The following ADGRV1 variants were observed in gnomAD, a reference collection of about 807,000 sequenced individuals.
ADGRV1 encodes the protein G-protein coupled receptor 98.
ADGRV1 carries 359 observed loss-of-function variants against 596.2 expected under a neutral mutation model. That is an observed-to-expected ratio of 0.60 (90% CI 0.55 to 0.66). ADGRV1 has a LOEUF of 0.66. Ranked by LOEUF, ADGRV1 falls within the 30% of genes least tolerant of loss-of-function variation. ADGRV1 has a pLI of 0.00. For synonymous variants in ADGRV1, 2,681 were observed against 2,679.2 expected (o/e 1.00, Z -0.02); for missense variants, 7,274 against 7,575.6 (o/e 0.96, Z 1.48).
Position 90,643,004 on chromosome 5 carries a change from T to C in ADGRV1, c.2516T>C (p.Val839Ala), listed in dbSNP as rs1446652482. ...LEFKPGEREI[V>A]ITLLARLDGI... ...TTTAAACCTGGAGAAAGGGAGATAGTGATCACCTTGCTAGCAAGATTGGAT... is the reference window on the plus strand; with the variant it reads ...TTTAAACCTGGAGAAAGGGAGATAGCGATCACCTTGCTAGCAAGATTGGAT... The change falls in exon 13 of 90, where the codon GTG becomes GCG. Residue 839 changes from valine to alanine, a missense_variant. This residue lies in a region of ADGRV1 where 1,715 missense variants were observed against 1,708.8 expected (regional missense o/e 1.00). Coordinates refer to ENST00000405460, the MANE Select transcript of ADGRV1 (RefSeq NM_032119.4). The C allele has an allele frequency of 3.7e-6, 6 of 1,613,506 alleles. No homozygotes were observed. Among genetic ancestry groups the C allele is most frequent in the Non-Finnish European group, 5.1e-6 (6 of 1,179,520 alleles).
chr5:90,970,034 C>T (rs991963439), intron 84 of ADGRV1, among the ~76,000 whole-genome samples: 3 of 152,226 alleles, frequency 2.0e-5, no homozygotes, highest in Non-Finnish European at 4.4e-5. Context: ...CCTAATACTG[C>T]GCTTTTCCAA....
At chr5:90,980,376 G>A (rs1995774) in intron 84 of ADGRV1, among the ~76,000 whole-genome samples, 76,155 of 151,932 alleles carry the variant, frequency 0.5, 20,683 homozygotes, top group African/African-American at 0.71. Flanking sequence ...AGACTATATC[G>A]TATCTGTTTA....
At chr5:90,921,628 A>G (rs1299600925) in intron 83 of ADGRV1, among the ~76,000 whole-genome samples, 2 of 152,158 alleles carry the variant, frequency 1.3e-5, no homozygotes, top group Admixed American at 1.3e-4. Context: ...TGTGCTGTTA[A>G]ATTTAGTCAT....
At chr5:90,954,169 C>CTTTTTTTTTTTTTTTTT (rs70973717) in intron 83 of ADGRV1, among the ~76,000 whole-genome samples, 1 of 138,428 alleles carries the variant, frequency 7.2e-6, no homozygotes, top group Non-Finnish European at 1.5e-5. Flanking sequence ...CCCAGCCTTG[C>CTTTTTTTTTTTTTTTTT]TTTTTTTTTT....
chr5:91,137,339 C>T (rs1423535189), intron 87 of ADGRV1, among the ~76,000 whole-genome samples: 2 of 152,122 alleles, frequency 1.3e-5, no homozygotes, highest in African/African-American at 4.8e-5. Context: ...TGAAAATTTT[C>T]TGTTGGGAAA....
intron 78 of ADGRV1, among the ~76,000 whole-genome samples, chr5:90,847,476 C>T (rs1308557379): frequency 6.6e-6 from 1 of 152,252 alleles, no homozygotes; most frequent in Non-Finnish European, 1.5e-5. Context: ...CGCACCAGGG[C>T]TGCAGGTGGA....
chr5:90,826,531 G>T (rs533315419), intron 76 of ADGRV1, among the ~76,000 whole-genome samples: 2 of 152,218 alleles, frequency 1.3e-5, no homozygotes, highest in South Asian at 2.1e-4. Context: ...TTAATAACAG[G>T]GCTGTGAGGC....
intron 86 of ADGRV1, among the ~76,000 whole-genome samples, chr5:91,092,222 C>T (rs1790447137): frequency 6.6e-6 from 1 of 152,144 alleles, no homozygotes; most frequent in African/African-American, 2.4e-5. Context: ...GCCTCAGCCT[C>T]CCGAATAGCT....
chr5:90,917,745 A>G (rs986552229), intron 83 of ADGRV1, among the ~76,000 whole-genome samples: 2 of 152,182 alleles, frequency 1.3e-5, no homozygotes, highest in Non-Finnish European at 2.9e-5. Context: ...ACCAAGCAGA[A>G]AGCAGGCTTT....
rs1272244367 is a variant in ADGRV1 at position 90,853,362 on chromosome 5, C to T, written c.17283C>T (p.His5761=). The change falls in exon 80 of 90, where the codon CAC becomes CAT. Residue 5761 remains histidine, a synonymous_variant. Transcript: ENST00000405460. ...LHWYPQQING[H]KFEGKEGDYI... ...GGTATCCTCAGCAAATCAATGGACACAAGTTTGAAGGAAAGGAAGGAGATT... is the reference window on the plus strand; with the variant it reads ...GGTATCCTCAGCAAATCAATGGACATAAGTTTGAAGGAAAGGAAGGAGATT... The T allele has an allele frequency of 6.2e-7, 1 of 1,613,346 alleles. No homozygotes were observed. Among genetic ancestry groups the T allele is most frequent in the Admixed American group, 1.7e-5 (1 of 59,994 alleles).
intron 51 of ADGRV1, 149 bp downstream of exon 51, chr5:90,745,414 AATATCTATT>A (rs1292146467): frequency 1.4e-6 from 1 of 711,992 alleles, no homozygotes; most frequent in East Asian, 2.7e-5. Flanking sequence ...CCATGTTTCT[AATATCTATT>A]CTATCAAGTT....
chr5:91,028,190 T>A (rs1312533720), intron 85 of ADGRV1, among the ~76,000 whole-genome samples: 1 of 152,102 alleles, frequency 6.6e-6, no homozygotes, highest in African/African-American at 2.4e-5. Flanking sequence ...GTCTGAGTCA[T>A]GGTTTAGGAA....
chr5:90,615,862 C>G lies in ADGRV1; in HGVS notation c.207+843C>G, dbSNP rs1433459049. 2.6e-5 allele frequency among the ~76,000 whole-genome samples: 4 copies of G among 151,864 alleles called. No individual in the cohort carries two copies. In the East Asian group the frequency reaches 5.8e-4, roughly 22 times the overall value. On this transcript the variant is annotated intron_variant, in intron 2 of 89. Transcript: ENST00000405460. ...TTTTTTCAGGTTCCTTTATCATTTT[C>G]ACAACTTTTCTTAATGGTGTTGTAA...
intron 65 of ADGRV1, 26 bp downstream of exon 65, chr5:90,781,604 G>GT (rs1758859281): frequency 6.3e-7 from 1 of 1,578,734 alleles, no homozygotes; most frequent in East Asian, 2.3e-5. Context: ...TAGCTTGTAA[G>GT]TAAGTTTACT....
At position 90,681,818 on chromosome 5, in the gene ADGRV1, C is replaced by CTCCT. The variant is rs1312582570; in HGVS notation, c.5664+367_5664+368insTTCC. Among the ~76,000 whole-genome samples the CTCCT allele has an allele frequency of 3.4e-5, 5 of 147,360 alleles. No individual in the cohort carries two copies. The South Asian group carries it at 1.1e-3, about 32-fold the overall frequency. ...AAGAATTGCCTTCCTCCCTCCCTCC[C>CTCCT]TCCCTCACTCCGTCCCTCCCTCCCT... On this transcript the variant is annotated intron_variant, in intron 27 of 89. Coordinates refer to ENST00000405460, the MANE Select transcript of ADGRV1 (RefSeq NM_032119.4).
At chr5:90,958,574 G>C (rs1777709838) in intron 83 of ADGRV1, among the ~76,000 whole-genome samples, 1 of 152,126 alleles carries the variant, frequency 6.6e-6, no homozygotes, top group Non-Finnish European at 1.5e-5. Context: ...GGAGGCTAGA[G>C]TCTGAGTTGA....
chr5:90,847,470 C>G (rs995031295), intron 78 of ADGRV1, among the ~76,000 whole-genome samples: 1 of 152,242 alleles, frequency 6.6e-6, no homozygotes, highest in East Asian at 1.9e-4. Context: ...GGATCCCGCA[C>G]CAGGGCTGCA....
chr5:90,831,646 A>G (rs998211603), intron 77 of ADGRV1, among the ~76,000 whole-genome samples: 1 of 152,062 alleles, frequency 6.6e-6, no homozygotes, highest in Non-Finnish European at 1.5e-5. Flanking sequence ...TGTGCTATCA[A>G]ATACTAGATT....
Position 90,681,328 on chromosome 5 carries a change from G to C in ADGRV1, c.5538G>C (p.Val1846=). ...TTGTTCATGCAGCCAGTCTAGGAGTGGCTTCCCAAATTCTAGTGACAATTG... is the reference window on the plus strand; with the variant it reads ...TTGTTCATGCAGCCAGTCTAGGAGTCGCTTCCCAAATTCTAGTGACAATTG... ...PTIHKRASLG[V]ASQILVTIAA... Residue 1846 remains valine (V), a synonymous_variant, in exon 27 of 90, where the codon GTG becomes GTC. Transcript: ENST00000405460. 6.2e-7 allele frequency: 1 copy of C among 1,613,536 alleles called. No individual in the cohort carries two copies. Among genetic ancestry groups the C allele is most frequent in the Non-Finnish European group, 8.5e-7 (1 of 1,179,726 alleles).
Sources: gnomAD v4.1 joint callset for allele counts (sites outside exome capture counted in the v4.1 genomes callset) on GRCh38, gnomAD v4.1.1 for gene constraint, gnomAD v4.1.1 regional missense constraint, MANE v1.5 for transcripts, NCBI Gene and HGNC (gene_info 2026-07-23, HGNC 2026-07-21) for gene names.